Variants in STXBP2 observed in about 807,000 individuals in gnomAD.
STXBP2 encodes the protein syntaxin-binding protein 2.
A neutral mutation model predicts 72.2 loss-of-function variants in STXBP2; 47 were observed. That is an observed-to-expected ratio of 0.65 (90% CI 0.51 to 0.83). The LOEUF (loss-of-function observed/expected upper bound fraction) is 0.83, where lower values mean the gene tolerates loss of function less well. Ranked by LOEUF, STXBP2 falls within the 40% of genes least tolerant of loss-of-function variation. STXBP2 has a pLI of 0.00. For missense variants in STXBP2, 702 were observed against 807.6 expected (o/e 0.87, Z 1.58); for synonymous variants, 367 against 338.7 (o/e 1.08, Z -0.92).
At chr19:7,633,019 G>A, upstream of STXBP2, 11 of 1,430,248 alleles carry the variant, frequency 7.7e-6, no homozygotes, top group Non-Finnish European at 9.1e-6. Flanking sequence ...TCCCAATCCC[G>A]GCCCCCGCCC....
chr19:7,633,101 C>T (rs574121674), upstream of STXBP2: 37 of 1,131,218 alleles, frequency 3.3e-5, no homozygotes, highest in East Asian at 3.1e-4. Context: ...CGTGTCCCGC[C>T]GTCCTAGATT....
Position 7,645,965 on chromosome 19 carries a change from T to G in STXBP2, c.1357-284T>G, listed in dbSNP as rs2032117196. The G allele has an allele frequency of 5.5e-6, 3 of 544,036 alleles. No individual in the cohort carries two copies. In the South Asian group the frequency reaches 6.6e-5, roughly 12 times the overall value. The allele number at this position is 544,036 out of a possible 1,614,324, so 33.7% of individuals were successfully genotyped here. On this transcript the variant is annotated intron_variant, in intron 15 of 18. Transcript: ENST00000221283. ...TCATCTCTTGTCTCTCTCTTTGCCT[T>G]CATACTTTGTCTCACTGCTTCTTAT...
chr19:7,634,589 CA>C (rs1472163972), upstream of STXBP2, among the ~76,000 whole-genome samples: 1 of 152,248 alleles, frequency 6.6e-6, no homozygotes, highest in East Asian at 1.9e-4. Context: ...AGGCTAGTCT[CA>C]AACTCCTGGG....
At position 7,643,148 on chromosome 19, in the gene STXBP2, C is replaced by T. The variant is rs376435359; in HGVS notation, c.1027-17C>T. On this transcript the variant is annotated splice_polypyrimidine_tract_variant and intron_variant, in intron 12 of 18. Transcript: ENST00000221283. Reference sequence around the variant, plus strand: ...TCAGCCTTTGTTATCCCCCAACCCCCACCCTGCACCCTGCAGTATTCTACG... The same window carrying T: ...TCAGCCTTTGTTATCCCCCAACCCCTACCCTGCACCCTGCAGTATTCTACG... 5 of 1,613,800 alleles carry T rather than the reference C, an allele frequency of 3.1e-6. No individual in the cohort carries two copies. Among genetic ancestry groups the T allele is most frequent in the South Asian group, 1.1e-5 (1 of 91,078 alleles).
rs912047950 is a variant in STXBP2, at chr19:7,645,251, A to G, written c.1301A>G (p.His434Arg). Residue 434 changes from histidine (H) to arginine (R), a missense_variant, in exon 15 of 19, where the codon CAC becomes CGC. His to Arg is a conservative substitution (Grantham distance 29, BLOSUM62 0). Transcript: ENST00000221283. ...KLIQHANVQA[H>R]SSLIRNLEQL... ...ATCCAGCATGCCAATGTACAGGCGC[A>G]CAGCAGCCTCATCCGTAACCTGGAG... 1.9e-6 allele frequency: 3 copies of G among 1,583,942 alleles called. No individual in the cohort carries two copies. The highest frequency in any genetic ancestry group is 2.6e-6 in the Non-Finnish European group (3 of 1,164,144).
At chr19:7,632,576 C>T, upstream of STXBP2, 8 of 1,601,636 alleles carry the variant, frequency 5.0e-6, no homozygotes, top group Non-Finnish European at 6.0e-6. This position sits in a 1 kb window ranked among gnomAD's most constrained non-coding sequence, Gnocchi z 5.2. Context: ...CCCAACCCTA[C>T]CCCTTCACCC....
chr19:7,647,082 C>G, intron 16 of STXBP2, 80 bp from the exon 17 acceptor site: 1 of 1,492,614 alleles, frequency 6.7e-7, no homozygotes, highest in Non-Finnish European at 9.2e-7. Flanking sequence ...ATCTTGGCCC[C>G]TGAATACCCC....
rs1434458616 is a variant in STXBP2, at chr19:7,644,621, C to A, written c.1115C>A (p.Ala372Asp). 2 of 1,612,550 alleles carry A rather than the reference C, an allele frequency of 1.2e-6. No individual in the cohort carries two copies. Among genetic ancestry groups the A allele is most frequent in the African/African-American group, 2.7e-5 (2 of 74,990 alleles). The change falls in exon 14 of 19, where the codon GCC becomes GAC. Residue 372 changes from alanine to aspartate, a missense_variant. Coordinates refer to ENST00000221283, the MANE Select transcript of STXBP2 (RefSeq NM_006949.4). ...EKLCSVEQDL[A>D]MGSDAEGEKI... Reference sequence around the variant, plus strand: ...CTGACCCCATGCCCGCAGGACCTGGCCATGGGCTCCGACGCAGAGGGGGAG... The same window carrying A: ...CTGACCCCATGCCCGCAGGACCTGGACATGGGCTCCGACGCAGAGGGGGAG...
intron 6 of STXBP2, 140 bp from the exon 7 acceptor site, chr19:7,641,565 C>G (rs1490615294): frequency 1.7e-6 from 2 of 1,182,804 alleles, no homozygotes. Context: ...TAGGGTTGAC[C>G]TGGGCCTGCC....
At chr19:7,631,700 G>C in the STXBP2 span, 9 of 1,455,426 alleles carry the variant, frequency 6.2e-6, no homozygotes, top group South Asian at 1.5e-5. Flanking sequence ...CAGGGGGCTT[G>C]TGTCGGGGGC....
chr19:7,631,143 G>T, the STXBP2 span: 1 of 908,518 alleles, frequency 1.1e-6, no homozygotes, highest in East Asian at 2.9e-5. Flanking sequence ...AGGAGGTGGA[G>T]GTTGCAGTGA....
chr19:7,646,380 C>CCGCAT, intron 16 of STXBP2, 36 bp downstream of exon 16: 2 of 1,558,156 alleles, frequency 1.3e-6, no homozygotes, highest in Non-Finnish European at 1.7e-6. Flanking sequence ...GGCCAGCCCT[C>CCGCAT]CGCATCGGCT....
At chr19:7,631,490 A>G in the STXBP2 span, 1 of 1,536,436 alleles carries the variant, frequency 6.5e-7, no homozygotes, top group Non-Finnish European at 8.7e-7. Flanking sequence ...AGATAGAGGA[A>G]TTCAAAGAGA....
the STXBP2 span, chr19:7,631,516 GGGA>G: frequency 2.7e-5 from 42 of 1,536,134 alleles, no homozygotes; most frequent in Admixed American, 2.9e-4. Flanking sequence ...CGGAAGCGGC[GGGA>G]GGAGAAGCTC....
upstream of STXBP2, chr19:7,633,579 C>T (rs1329677140): frequency 3.3e-6 from 3 of 900,128 alleles, no homozygotes; most frequent in African/African-American, 3.3e-5. Context: ...CCAGCTCATG[C>T]CCCATCTGCT....
At chr19:7,646,044 C>T (rs921481940) in intron 15 of STXBP2, 9 of 600,468 alleles carry the variant, frequency 1.5e-5, no homozygotes, top group Admixed American at 2.9e-5. Context: ...GCTCTCTCTC[C>T]CTTTGGCTTT....
In STXBP2 at chr19:7,640,695, C is replaced by T. The variant is rs763738415; in HGVS notation, c.247-36C>T. On this transcript the variant is annotated intron_variant, in intron 4 of 18. Coordinates refer to ENST00000221283, the MANE Select transcript of STXBP2 (RefSeq NM_006949.4). ...TAGGCAGCCAATGAGCCTAGGTGTG[C>T]AGGCTCAGGCCCAGAGAGTGATCCA... The T allele has an allele frequency of 2.5e-6, 4 of 1,613,456 alleles. No individual in the cohort carries two copies. The African/African-American group carries it at 4.0e-5, about 16-fold the overall frequency.
intron 1 of STXBP2, among the ~76,000 whole-genome samples, chr19:7,637,893 C>G (rs2146204373): frequency 6.6e-6 from 1 of 152,340 alleles, no homozygotes; most frequent in South Asian, 2.1e-4. Context: ...GTCTGTAGCT[C>G]AAACCCCTTT....
At chr19:7,632,776 C>A, upstream of STXBP2, 2 of 1,566,704 alleles carry the variant, frequency 1.3e-6, no homozygotes. This position sits in a 1 kb window ranked among gnomAD's most constrained non-coding sequence, Gnocchi z 5.2. Flanking sequence ...TCCATCCGGT[C>A]GCCCTGCACG....
Sources: gnomAD v4.1 joint callset for allele counts (sites outside exome capture counted in the v4.1 genomes callset) on GRCh38, gnomAD v4.1.1 for gene constraint, Gnocchi (gnomAD v3.1) non-coding constraint, MANE v1.5 for transcripts, NCBI Gene and HGNC (gene_info 2026-07-23, HGNC 2026-07-21) for gene names.